PLA2G4A: variants seen among roughly 807,000 people sequenced by gnomAD.
PLA2G4A encodes cytosolic phospholipase A2.
PLA2G4A carries 40 observed loss-of-function variants against 81.9 expected under a neutral mutation model. The observed-to-expected ratio is 0.49, with a 90% CI of 0.38 to 0.64. PLA2G4A has a LOEUF of 0.64. Ranked by LOEUF, PLA2G4A falls within the 30% of genes least tolerant of loss-of-function variation. The pLI, the probability that PLA2G4A is intolerant of heterozygous loss-of-function variation, is 0.00. For synonymous variants in PLA2G4A, 302 were observed against 296.9 expected, an observed-to-expected ratio of 1.02 and a Z score of -0.18; for missense variants, 715 against 905.1, an observed-to-expected ratio of 0.79 and a Z score of 2.69.
intron 7 of PLA2G4A, among the ~76,000 whole-genome samples, chr1:186,928,722 C>G (rs550145701): frequency 6.6e-6 from 1 of 152,200 alleles, no homozygotes; most frequent in Non-Finnish European, 1.5e-5. Flanking sequence ...TTCTTGAATA[C>G]TTCAGAATTT....
At chr1:186,904,794 C>A (rs1442311856) in intron 5 of PLA2G4A, among the ~76,000 whole-genome samples, 1 of 152,144 alleles carries the variant, frequency 6.6e-6, no homozygotes, top group African/African-American at 2.4e-5. Flanking sequence ...ACTATAAATG[C>A]AGCATTGTTG....
chr1:186,902,890 A>T (rs1366043650), intron 5 of PLA2G4A, among the ~76,000 whole-genome samples: 2 of 151,700 alleles, frequency 1.3e-5, no homozygotes, highest in East Asian at 3.8e-4. Context: ...AAAAAAAAAA[A>T]AAAGAAAAAA....
chr1:186,951,098 G>A (rs959057573), intron 13 of PLA2G4A, among the ~76,000 whole-genome samples: 3 of 151,832 alleles, frequency 2.0e-5, no homozygotes, highest in African/African-American at 7.3e-5. Flanking sequence ...TTGTCTTTCA[G>A]AATTTTGTTA....
chr1:186,950,981 A>G (rs1314496439), intron 13 of PLA2G4A, among the ~76,000 whole-genome samples: 3 of 152,218 alleles, frequency 2.0e-5, no homozygotes, highest in Non-Finnish European at 2.9e-5. Context: ...CAGATCCAAG[A>G]TGGTAGAAAT....
rs6662570 is a variant in PLA2G4A at position 186,968,622 on chromosome 1, A to G, written c.1764+3029A>G. On this transcript the variant is annotated intron_variant, in intron 15 of 17. Transcript: ENST00000367466. Reference sequence around the variant, plus strand: ...AAATATATACTATCTCTGTATACAGATACGTATTTATTTAACAATGCTCTA... The same window carrying G: ...AAATATATACTATCTCTGTATACAGGTACGTATTTATTTAACAATGCTCTA... Among the ~76,000 whole-genome samples, 550 of 151,782 alleles carry G rather than the reference A, an allele frequency of 3.6e-3. 4 individuals carry two copies. Among genetic ancestry groups the G allele is most frequent in the African/African-American group, 0.013 (523 of 41,446 alleles).
At chr1:186,851,090 G>C (rs1008307743) in intron 1 of PLA2G4A, among the ~76,000 whole-genome samples, 4 of 151,978 alleles carry the variant, frequency 2.6e-5, no homozygotes, top group Non-Finnish European at 5.9e-5. Context: ...CTGGGTCTTA[G>C]AATATGAAAC....
rs777295654 is a variant in PLA2G4A at position 186,870,687 on chromosome 1, G to A, written c.115+171G>A. 2.8e-5 allele frequency: 40 copies of A among 1,452,400 alleles called. No homozygotes were observed. In the South Asian group the frequency reaches 3.3e-4, roughly 12 times the overall value. 90.0% of individuals were successfully genotyped at this position (1,452,400 alleles called of 1,614,324 possible). A position where few individuals can be genotyped will look rare whatever the true frequency, so the allele number is the denominator to read the frequency against. ...TTCTCTGATGCTATCTGTCAGATTA[G>A]CATTTTACCTGGGCCTTAAATTAGC... On this transcript the variant is annotated intron_variant, in intron 3 of 17. Transcript: ENST00000367466.
rs142875802 is a variant in PLA2G4A at position 186,912,221 on chromosome 1, A to G, written c.558+832A>G. Among the ~76,000 whole-genome samples, 299 of 152,308 alleles carry G rather than the reference A, an allele frequency of 2.0e-3. 1 individual carries two copies. Among genetic ancestry groups the G allele is most frequent in the African/African-American group, 6.3e-3 (260 of 41,560 alleles). On this transcript the variant is annotated intron_variant, in intron 7 of 17. Coordinates refer to ENST00000367466, the MANE Select transcript of PLA2G4A (RefSeq NM_024420.3). ...TATCCTTTAGTCTGGTCAGGCTAAT[A>G]AAGAAAATTAACCATTATACTCCCT...
chr1:186,892,001 A>G (rs1303493775), intron 3 of PLA2G4A, among the ~76,000 whole-genome samples: 1 of 152,116 alleles, frequency 6.6e-6, no homozygotes, highest in Non-Finnish European at 1.5e-5. Context: ...AGGTGAGATG[A>G]GATCTCATTG....
chr1:186,863,842 C>T (rs1293637446), intron 2 of PLA2G4A, among the ~76,000 whole-genome samples: 2 of 151,232 alleles, frequency 1.3e-5, no homozygotes, highest in African/African-American at 4.9e-5. Context: ...CTCACTGTAA[C>T]CTCCGCCTCC....
intron 3 of PLA2G4A, among the ~76,000 whole-genome samples, chr1:186,887,157 C>T (rs1653965184): frequency 6.6e-6 from 1 of 152,048 alleles, no homozygotes; most frequent in African/African-American, 2.4e-5. Flanking sequence ...TTTGACTACA[C>T]ATTTGGGAGG....
At chr1:186,912,615 C>T (rs1205487161) in intron 7 of PLA2G4A, among the ~76,000 whole-genome samples, 1 of 151,554 alleles carries the variant, frequency 6.6e-6, no homozygotes, top group Admixed American at 6.6e-5. Context: ...TATAAGTTTC[C>T]TCCATGTCTT....
intron 17 of PLA2G4A, among the ~76,000 whole-genome samples, chr1:186,987,736 T>C (rs1323928748): frequency 2.0e-5 from 3 of 152,178 alleles, no homozygotes; most frequent in Non-Finnish European, 2.9e-5. Flanking sequence ...TTCTTAGAGG[T>C]TGTAGTTTCC....
At chr1:186,858,799 C>A (rs1317528878) in intron 2 of PLA2G4A, among the ~76,000 whole-genome samples, 2 of 151,968 alleles carry the variant, frequency 1.3e-5, no homozygotes, top group Non-Finnish European at 2.9e-5. Flanking sequence ...GCTTAGACAG[C>A]AACTAGCATT....
intron 7 of PLA2G4A, among the ~76,000 whole-genome samples, chr1:186,928,985 C>A (rs183176368): frequency 9.9e-5 from 15 of 152,276 alleles, no homozygotes. Flanking sequence ...TTATAACTTT[C>A]GTGTTATTTC....
In PLA2G4A at chr1:186,932,809, T is replaced by C; in HGVS notation, c.605T>C (p.Met202Thr). The change falls in exon 8 of 18, where the codon ATG becomes ACG. Residue 202 changes from methionine (M) to threonine (T), a missense_variant. Met to Thr is a moderately conservative substitution (Grantham distance 81, BLOSUM62 -1). Transcript: ENST00000367466. ...ILGSGGGFRA[M>T]VGFSGVMKAL... ...GGTTCAGGTGGGGGTTTCCGAGCCA[T>C]GGTGGGATTCTCTGGTGTGATGAAG... 2 of 1,613,484 alleles carry C rather than the reference T, an allele frequency of 1.2e-6. No individual in the cohort carries two copies. The highest frequency in any genetic ancestry group is 1.7e-6 in the Non-Finnish European group (2 of 1,179,418).
At chr1:186,852,818 A>C (rs916612819) in intron 1 of PLA2G4A, among the ~76,000 whole-genome samples, 1 of 152,032 alleles carries the variant, frequency 6.6e-6, no homozygotes, top group Non-Finnish European at 1.5e-5. Context: ...ATAATTGGTT[A>C]ATGTTATCAG....
At chr1:186,945,109 A>AT (rs2102230360) in intron 10 of PLA2G4A, among the ~76,000 whole-genome samples, 1 of 152,222 alleles carries the variant, frequency 6.6e-6, no homozygotes, top group Non-Finnish European at 1.5e-5. Context: ...TGATGTTGGG[A>AT]TTTTAAAATG....
Position 186,977,719 on chromosome 1 carries a change from G to A in PLA2G4A, c.1891G>A (p.Glu631Lys). 24 of 1,613,786 alleles carry A rather than the reference G, an allele frequency of 1.5e-5. No homozygotes were observed. The highest frequency in any genetic ancestry group is 1.9e-5 in the Non-Finnish European group (23 of 1,179,718). ...YVFKPKNPDM[E>K]KDCPTIIHFV... ...CTTTAAACCCAAGAATCCTGATATGGAGAAAGATTGCCCAACCATCATCCA... is the reference window on the plus strand; with the variant it reads ...CTTTAAACCCAAGAATCCTGATATGAAGAAAGATTGCCCAACCATCATCCA... The change falls in exon 16 of 18, where the codon GAG (glutamate) becomes AAG (lysine). Residue 631 changes from glutamate to lysine, a missense_variant. Transcript: ENST00000367466.
Sources: allele counts gnomAD v4.1 joint callset (sites outside exome capture counted in the v4.1 genomes callset), GRCh38; gene constraint gnomAD v4.1.1; transcripts MANE v1.5; gene names NCBI Gene and HGNC (gene_info 2026-07-23, HGNC 2026-07-21).